ATP9A: variants seen among roughly 807,000 people sequenced by gnomAD.
ATP9A encodes probable phospholipid-transporting ATPase IIA.
In ATP9A, 52 loss-of-function variants were observed where a neutral mutation model predicts 144.1. The observed-to-expected ratio is 0.36, with a 90% CI of 0.29 to 0.45. ATP9A has a LOEUF of 0.45. ATP9A is among the 20% of genes least tolerant of loss of function. ATP9A has a pLI of 1.00. For synonymous variants in ATP9A, 582 were observed against 557.4 expected, an observed-to-expected ratio of 1.04 and a Z score of -0.62; for missense variants, 947 against 1,392.7, an observed-to-expected ratio of 0.68 and a Z score of 5.09.
chr20:51,767,168 T>C (rs2077908282), intron 1 of ATP9A, among the ~76,000 whole-genome samples: 1 of 151,094 alleles, frequency 6.6e-6, no homozygotes, highest in South Asian at 2.1e-4. Context: ...CAACTGACGC[T>C]GCAATAAGCG....
At chr20:51,665,429 T>C (rs2077428702) in intron 13 of ATP9A, among the ~76,000 whole-genome samples, 1 of 152,172 alleles carries the variant, frequency 6.6e-6, no homozygotes, top group Non-Finnish European at 1.5e-5. Context: ...TTAAAAGTAC[T>C]AGTAAATTGC....
At chr20:51,755,924 C>G (rs1178377122) in intron 1 of ATP9A, among the ~76,000 whole-genome samples, 1 of 151,760 alleles carries the variant, frequency 6.6e-6, no homozygotes, top group African/African-American at 2.4e-5. Flanking sequence ...CACTGAACTC[C>G]AGCCTGGGCG....
chr20:51,685,035 A>T (rs6067896), intron 9 of ATP9A, among the ~76,000 whole-genome samples: 1 of 137,736 alleles, frequency 7.3e-6, no homozygotes, highest in African/African-American at 2.8e-5. Context: ...AAAAAAAAAA[A>T]AAAAATACAA....
intron 14 of ATP9A, among the ~76,000 whole-genome samples, chr20:51,650,499 A>G (rs1018623000): frequency 1.3e-5 from 2 of 151,892 alleles, no homozygotes; most frequent in Non-Finnish European, 2.9e-5. Flanking sequence ...GTGCCACTGC[A>G]CTCCAGCCTG....
At chr20:51,716,490 G>GAAA (rs11472238) in intron 3 of ATP9A, among the ~76,000 whole-genome samples, 12,909 of 137,672 alleles carry the variant, frequency 0.094, 755 homozygotes, top group South Asian at 0.18. Context: ...ACCTGAAACA[G>GAAA]AAAAAAAAAA....
intron 9 of ATP9A, among the ~76,000 whole-genome samples, chr20:51,684,627 C>T (rs2077514362): frequency 1.4e-5 from 2 of 141,530 alleles, no homozygotes; most frequent in South Asian, 2.2e-4. Flanking sequence ...ACCCGGGAGG[C>T]GGAGCTTGCA....
chr20:51,656,276 A>G lies in ATP9A; in HGVS notation c.1506+662T>C, dbSNP rs1405328184. 1.3e-5 allele frequency among the ~76,000 whole-genome samples: 2 copies of G among 152,160 alleles called. 1 individual carries two copies. Among genetic ancestry groups the G allele is most frequent in the Middle Eastern group, 6.3e-3 (2 of 316 alleles). ...CTATATTAAGAAGCCATACTCACCAACGCAGTGACTCACGCCTGTAATCCC... is the reference window on the plus strand; with the variant it reads ...CTATATTAAGAAGCCATACTCACCAGCGCAGTGACTCACGCCTGTAATCCC... On this transcript the variant is annotated intron_variant, in intron 14 of 27. Coordinates refer to ENST00000338821, the MANE Select transcript of ATP9A (RefSeq NM_006045.3).
In ATP9A at chr20:51,725,906, A is replaced by G. The variant is rs1414486843; in HGVS notation, c.240T>C (p.Phe80=). Residue 80 remains phenylalanine, a synonymous_variant, in exon 3 of 28, where the codon TTT becomes TTC. Transcript: ENST00000338821. ...CAAGAAGTAAGAAATAGAGGTTGAA[A>G]AAGTATTTGAACTGGTTGAACAGCA... is the stretch of plus-strand genomic sequence containing the variant. ...PGVLFNQFKY[F]FNLYFLLLAC... is the part of the protein sequence containing the mutation. 6.2e-7 allele frequency: 1 copy of G among 1,613,226 alleles called. No individual in the cohort carries two copies. The highest frequency in any genetic ancestry group is 1.1e-5 in the South Asian group (1 of 91,062).
chr20:51,762,129 C>T (rs1323944834), intron 1 of ATP9A, among the ~76,000 whole-genome samples: 3 of 152,236 alleles, frequency 2.0e-5, no homozygotes, highest in South Asian at 2.1e-4. Context: ...TTTTGGGAGG[C>T]CAAGGTGGGC....
At chr20:51,687,806 A>T (rs926741805) in intron 9 of ATP9A, among the ~76,000 whole-genome samples, 14 of 131,010 alleles carry the variant, frequency 1.1e-4, no homozygotes, top group East Asian at 5.8e-4. Flanking sequence ...AATGAATGAA[A>T]GAGAGAAGCA....
intron 18 of ATP9A, among the ~76,000 whole-genome samples, chr20:51,624,649 C>T (rs1191159782): frequency 6.6e-6 from 1 of 152,020 alleles, no homozygotes; most frequent in African/African-American, 2.4e-5. Flanking sequence ...ACCAGGGAGC[C>T]CAGTGGAGTC....
At chr20:51,615,306 C>T (rs532135278) in intron 22 of ATP9A, among the ~76,000 whole-genome samples, 1 of 152,140 alleles carries the variant, frequency 6.6e-6, no homozygotes, top group South Asian at 2.1e-4. Context: ...TCAACTTTTC[C>T]ATTGTTGTAT....
intron 11 of ATP9A, among the ~76,000 whole-genome samples, chr20:51,673,856 C>A (rs760043271): frequency 6.6e-6 from 1 of 152,040 alleles, no homozygotes; most frequent in Non-Finnish European, 1.5e-5. Context: ...TCAAGACAAG[C>A]CTGGCAAACA....
chr20:51,741,789 T>A (rs1025646669), intron 1 of ATP9A, among the ~76,000 whole-genome samples: 3 of 152,098 alleles, frequency 2.0e-5, no homozygotes, highest in Non-Finnish European at 4.4e-5. Context: ...ACCCCCAGGG[T>A]GGGTATCTGG....
chr20:51,654,665 C>T (rs1031961055), intron 14 of ATP9A, among the ~76,000 whole-genome samples: 3 of 152,098 alleles, frequency 2.0e-5, no homozygotes, highest in Non-Finnish European at 4.4e-5. Context: ...TTCAGGGCTG[C>T]AGTGAGCCAT....
chr20:51,620,533 C>T (rs2077222304), intron 19 of ATP9A, among the ~76,000 whole-genome samples: 1 of 152,110 alleles, frequency 6.6e-6, no homozygotes. Flanking sequence ...GAGCTCACAG[C>T]CACCAGTTCT....
intron 1 of ATP9A, among the ~76,000 whole-genome samples, chr20:51,753,504 T>C (rs1323585031): frequency 1.3e-5 from 2 of 151,954 alleles, no homozygotes; most frequent in East Asian, 1.9e-4. Flanking sequence ...ACGTTCTACA[T>C]GGTTCCTAGT....
chr20:51,608,438 GA>G (rs1384724087), intron 25 of ATP9A, 79 bp downstream of exon 25: 42 of 939,076 alleles, frequency 4.5e-5, no homozygotes, highest in East Asian at 2.4e-5. Context: ...TAAATTCAAA[GA>G]AAAAAAGCAG....
At chr20:51,678,577 C>T (rs1261774559) in intron 9 of ATP9A, among the ~76,000 whole-genome samples, 2 of 152,210 alleles carry the variant, frequency 1.3e-5, no homozygotes, top group Non-Finnish European at 2.9e-5. Flanking sequence ...CGGCAGATGG[C>T]AGGCTCCTGT....
Sources: allele counts gnomAD v4.1 joint callset (sites outside exome capture counted in the v4.1 genomes callset), GRCh38; gene constraint gnomAD v4.1.1; transcripts MANE v1.5; gene names NCBI Gene and HGNC (gene_info 2026-07-23, HGNC 2026-07-21).